Variants in PPFIA2 observed in about 807,000 individuals in gnomAD.
PPFIA2 encodes PPFI scaffold protein A2.
PPFIA2 carries 46 observed loss-of-function variants against 175.5 expected under a neutral mutation model. The observed-to-expected ratio is 0.26, with a 90% confidence interval of 0.21 to 0.34. PPFIA2 has a LOEUF of 0.34. PPFIA2 is among the 10% of genes least tolerant of loss of function. PPFIA2 has a pLI of 1.00. For missense variants in PPFIA2, 1,179 were observed against 1,506.1 expected, an observed-to-expected ratio of 0.78 and a Z score of 3.60; for synonymous variants, 568 against 511.4, an observed-to-expected ratio of 1.11 and a Z score of -1.49.
intron 21 of PPFIA2, among the ~76,000 whole-genome samples, chr12:81,329,939 G>T (rs1200410905): frequency 6.6e-6 from 1 of 152,214 alleles, no homozygotes; most frequent in African/African-American, 2.4e-5. Flanking sequence ...ACATCAGAGG[G>T]AGTCTTAAAA....
Position 81,439,950 on chromosome 12 carries a change from A to T in PPFIA2, c.645+22T>A, listed in dbSNP as rs765128807. 2.5e-6 allele frequency: 4 copies of T among 1,593,810 alleles called. No individual in the cohort carries two copies. The East Asian group carries it at 9.0e-5, about 36-fold the overall frequency. On this transcript the variant is annotated intron_variant, in intron 7 of 32. Transcript: ENST00000549396. ...TGTCAGCGATATTGCACCTCAAAAG[A>T]GGAGAAAGTGTGGCAGGTTACCTCC...
chr12:81,268,102 G>A lies in PPFIA2; in HGVS notation c.3311-15C>T, dbSNP rs771522867. ...CACCAACACGTCTAGGAAAAGAGAT[G>A]CATCATTTTAGGATGCATTATTTTT... On this transcript the variant is annotated splice_polypyrimidine_tract_variant and intron_variant, in intron 28 of 32. Coordinates refer to ENST00000549396, the MANE Select transcript of PPFIA2 (RefSeq NM_003625.5). 6.0e-6 allele frequency: 9 copies of A among 1,509,628 alleles called. No homozygotes were observed. The highest frequency in any genetic ancestry group is 7.2e-6 in the Non-Finnish European group (8 of 1,109,324). 93.5% of individuals were successfully genotyped at this position (1,509,628 alleles called of 1,614,324 possible). A position where few individuals can be genotyped will look rare whatever the true frequency, so the allele number is the denominator to read the frequency against.
rs764372914 is a variant in PPFIA2, at chr12:81,369,094, G to T, written c.1350+17C>A. Reference sequence around the variant, plus strand: ...ATAAACCAATGATTGGGGGGTAATAGTTCTTAATATACATACTCTTTGAAG... The same window carrying T: ...ATAAACCAATGATTGGGGGGTAATATTTCTTAATATACATACTCTTTGAAG... On this transcript the variant is annotated intron_variant, in intron 12 of 32. Transcript: ENST00000549396. 5.8e-6 allele frequency: 9 copies of T among 1,565,132 alleles called. No individual in the cohort carries two copies. The African/African-American group carries it at 1.2e-4, about 21-fold the overall frequency.
intron 7 of PPFIA2, among the ~76,000 whole-genome samples, chr12:81,437,138 C>T (rs149883006): frequency 6.6e-6 from 1 of 152,070 alleles, no homozygotes; most frequent in Non-Finnish European, 1.5e-5. Context: ...AGAAAACAGT[C>T]GTAAATCTTT....
intron 4 of PPFIA2, among the ~76,000 whole-genome samples, chr12:81,630,255 A>G (rs566927830): frequency 9.2e-5 from 14 of 152,352 alleles, no homozygotes; most frequent in Admixed American, 3.9e-4. Context: ...CTATAAAATT[A>G]TAGTAATTTG....
intron 3 of PPFIA2, among the ~76,000 whole-genome samples, chr12:81,717,732 C>G (rs999057851): frequency 6.6e-6 from 1 of 151,662 alleles, no homozygotes; most frequent in African/African-American, 2.4e-5. Context: ...CCTCAAGAAG[C>G]TTACCTTTCA....
intron 25 of PPFIA2, among the ~76,000 whole-genome samples, chr12:81,283,353 T>C (rs953376284): frequency 3.3e-5 from 5 of 152,046 alleles, no homozygotes; most frequent in African/African-American, 9.7e-5. Flanking sequence ...TAATGTGCTA[T>C]AATAAAAACT....
At chr12:81,410,760 G>T (rs766923720) in intron 7 of PPFIA2, among the ~76,000 whole-genome samples, 1 of 151,984 alleles carries the variant, frequency 6.6e-6, no homozygotes, top group Non-Finnish European at 1.5e-5. Context: ...AGGGAAATCA[G>T]AATATTATTA....
In PPFIA2 at chr12:81,281,290, C is replaced by T; in HGVS notation, c.3179G>A (p.Arg1060His). 1.2e-6 allele frequency: 2 copies of T among 1,609,586 alleles called. No homozygotes were observed. The highest frequency in any genetic ancestry group is 1.7e-6 in the Non-Finnish European group (2 of 1,177,336). Residue 1060 changes from arginine (R) to histidine (H), a missense_variant, in exon 27 of 33, where the codon CGT becomes CAT. Arg to His is a conservative substitution (Grantham distance 29). This residue lies in a region of PPFIA2 where 245 missense variants were observed against 375.1 expected (regional missense o/e 0.65). Transcript: ENST00000549396. ...MLDHLTKKDLRVHLKMVDSFH... is the reference protein window; with the variant it reads ...MLDHLTKKDLHVHLKMVDSFH... ...ACTATCCACCATTTTTAAATGGACA[C>T]GGAGATCTTTTTTTGTTAGGTGATC... is the stretch of plus-strand genomic sequence containing the variant.
intron 8 of PPFIA2, among the ~76,000 whole-genome samples, chr12:81,398,541 A>T (rs1043259346): frequency 6.6e-6 from 1 of 152,092 alleles, no homozygotes; most frequent in African/African-American, 2.4e-5. Flanking sequence ...GAGCTACATT[A>T]CTTTGAGCCA....
chr12:81,594,947 CT>C (rs1215834710), intron 4 of PPFIA2, among the ~76,000 whole-genome samples: 1 of 151,902 alleles, frequency 6.6e-6, no homozygotes, highest in Non-Finnish European at 1.5e-5. Context: ...AATATTTTCC[CT>C]GCTGTTGCTA....
chr12:81,479,105 A>G (rs540938536), intron 4 of PPFIA2, among the ~76,000 whole-genome samples: 3 of 152,202 alleles, frequency 2.0e-5, no homozygotes, highest in Admixed American at 2.0e-4. Context: ...GTGCTCCTGT[A>G]TTGGGTCCAT....
At chr12:81,588,333 T>G (rs1374189485) in intron 4 of PPFIA2, among the ~76,000 whole-genome samples, 1 of 151,950 alleles carries the variant, frequency 6.6e-6, no homozygotes. Flanking sequence ...ACTTACAAAG[T>G]AAACCAAGCA....
intron 4 of PPFIA2, among the ~76,000 whole-genome samples, chr12:81,606,283 G>A (rs1255239027): frequency 1.3e-5 from 2 of 151,998 alleles, no homozygotes; most frequent in Non-Finnish European, 2.9e-5. Context: ...CTGAACATAT[G>A]AGTCCATGTA....
chr12:81,261,868 A>T, intron 32 of PPFIA2, 81 bp downstream of exon 32: 1 of 895,348 alleles, frequency 1.1e-6, no homozygotes, highest in Non-Finnish European at 1.7e-6. Context: ...CATACCAAAG[A>T]GTATAGTGTA....
intron 4 of PPFIA2, among the ~76,000 whole-genome samples, chr12:81,656,180 G>A (rs1338311930): frequency 6.6e-6 from 1 of 151,978 alleles, no homozygotes; most frequent in Non-Finnish European, 1.5e-5. Flanking sequence ...GGATCTAGCT[G>A]CTCTTCTCGA....
intron 32 of PPFIA2, 66 bp from the exon 33 acceptor site, chr12:81,259,726 C>G: frequency 7.1e-7 from 1 of 1,414,408 alleles, no homozygotes; most frequent in Non-Finnish European, 9.6e-7. Context: ...TCATTCTACT[C>G]CTCTGTGGTG....
intron 4 of PPFIA2, among the ~76,000 whole-genome samples, chr12:81,592,423 A>G (rs569338022): frequency 1.3e-5 from 2 of 151,716 alleles, no homozygotes; most frequent in African/African-American, 4.9e-5. Context: ...TCTGGGATGG[A>G]AAAATATGGT....
At chr12:81,486,079 G>T (rs894260857) in intron 4 of PPFIA2, among the ~76,000 whole-genome samples, 7 of 151,810 alleles carry the variant, frequency 4.6e-5, no homozygotes, top group Non-Finnish European at 8.8e-5. Flanking sequence ...ATTTTTAAAT[G>T]AAATGTAACA....
Sources: allele counts gnomAD v4.1 joint callset (sites outside exome capture counted in the v4.1 genomes callset), GRCh38; gene constraint gnomAD v4.1.1; regional missense constraint gnomAD v4.1.1; transcripts MANE v1.5; gene names NCBI Gene and HGNC (gene_info 2026-07-23, HGNC 2026-07-21).